ARMC8: variants seen among roughly 807,000 people sequenced by gnomAD.
The protein encoded by ARMC8 is armadillo repeat-containing protein 8.
In ARMC8, 20 loss-of-function variants were observed where a neutral mutation model predicts 99.3. The ratio of observed to expected loss-of-function variants is 0.20; its 90% CI spans 0.14 to 0.29. ARMC8 has a LOEUF of 0.29. ARMC8 is among the 10% of genes least tolerant of loss of function. The pLI, the probability that ARMC8 is intolerant of heterozygous loss-of-function variation, is 1.00. For synonymous variants in ARMC8, 263 were observed against 278.3 expected, an observed-to-expected ratio of 0.95 and a Z score of 0.55; for missense variants, 569 against 809.5, an observed-to-expected ratio of 0.70 and a Z score of 3.60.
In ARMC8 at chr3:138,296,171, A is replaced by G. The variant is rs1462336679; in HGVS notation, c.*279A>G. On this transcript the variant is annotated 3_prime_UTR_variant, in exon 22 of 22. Coordinates refer to ENST00000469044, the MANE Select transcript of ARMC8 (RefSeq NM_001363941.2). ...ATCAATCATTTTCCTTTGGACCTACAATTTTTGCCTATGCTGCAGCCACTT... is the reference window on the plus strand; with the variant it reads ...ATCAATCATTTTCCTTTGGACCTACGATTTTTGCCTATGCTGCAGCCACTT... The G allele has an allele frequency of 2.8e-6, 1 of 351,040 alleles. No homozygotes were observed. Among genetic ancestry groups the G allele is most frequent in the Non-Finnish European group, 5.2e-6 (1 of 192,322 alleles). The allele number at this position is 351,040 out of a possible 1,614,324, so 21.7% of individuals were successfully genotyped here.
At position 138,258,680 on chromosome 3, in the gene ARMC8, A is replaced by G. The variant is rs77236985; in HGVS notation, c.1135-5059A>G. Among the ~76,000 whole-genome samples the G allele has an allele frequency of 4.0e-3, 607 of 152,348 alleles. 8 individuals carry two copies. The highest frequency in any genetic ancestry group is 0.014 in the African/African-American group (578 of 41,580). ...CTTATCCACTCCTGCAAGAGCAGCA[A>G]TGCAAGAGACAGTTTCGCAAAAGCA... On this transcript the variant is annotated intron_variant, in intron 12 of 21. Transcript: ENST00000469044.
intron 11 of ARMC8, among the ~76,000 whole-genome samples, chr3:138,244,274 TTTTA>T (rs1050411664): frequency 9.9e-5 from 15 of 152,072 alleles, no homozygotes; most frequent in African/African-American, 3.4e-4. Flanking sequence ...TTTTATTTAT[TTTTA>T]TTTATTTATT....
chr3:138,205,074 T>C (rs1259740108), intron 1 of ARMC8, among the ~76,000 whole-genome samples: 6 of 138,092 alleles, frequency 4.3e-5, no homozygotes, highest in Non-Finnish European at 7.8e-5. Context: ...TTTTTTTTTT[T>C]TTTTTTTTTT....
In ARMC8 at chr3:138,294,902, C is replaced by CTT. The variant is rs761552356; in HGVS notation, c.1989-945_1989-944dup. Among the ~76,000 whole-genome samples, 454 of 142,038 alleles carry CTT rather than the reference C, an allele frequency of 3.2e-3. 1 individual carries two copies. Among genetic ancestry groups the CTT allele is most frequent in the African/African-American group, 0.011 (431 of 38,830 alleles). 93.2% of individuals were successfully genotyped at this position (142,038 alleles called of 152,430 possible). A position where few individuals can be genotyped will look rare whatever the true frequency, so the allele number is the denominator to read the frequency against. On this transcript the variant is annotated intron_variant, in intron 21 of 21. Transcript: ENST00000469044. Reference sequence around the variant, plus strand: ...TGGGTTTTTTTGTTTGTTTTTTGTTCTTTTTTTTTTTTTGAGATGGAGTTT... The same window carrying CTT: ...TGGGTTTTTTTGTTTGTTTTTTGTTCTTTTTTTTTTTTTTTGAGATGGAGTTT...
intron 16 of ARMC8, 33 bp downstream of exon 16, chr3:138,270,165 C>T: frequency 7.1e-7 from 1 of 1,415,690 alleles, no homozygotes; most frequent in Non-Finnish European, 1.0e-6. Context: ...TCATAACTTA[C>T]AAAAGGAATA....
intron 6 of ARMC8, among the ~76,000 whole-genome samples, chr3:138,231,912 A>C (rs546207466): frequency 6.8e-6 from 1 of 148,086 alleles, no homozygotes; most frequent in South Asian, 2.2e-4. Flanking sequence ...CTCAAATGAC[A>C]GATCCTCCTC....
chr3:138,246,680 CT>C, intron 12 of ARMC8: 1 of 984,624 alleles, frequency 1.0e-6, no homozygotes, highest in African/African-American at 1.8e-5. Context: ...TCCATTTGTA[CT>C]TCTTTGTACT....
intron 1 of ARMC8, among the ~76,000 whole-genome samples, chr3:138,194,043 C>A (rs780420463): frequency 6.9e-6 from 1 of 145,978 alleles, no homozygotes; most frequent in Non-Finnish European, 1.5e-5. Flanking sequence ...AGTGGCATTA[C>A]GTCTTTTTTT....
At chr3:138,264,025 TAG>T in intron 13 of ARMC8, 104 bp from the exon 14 acceptor site, 1 of 1,075,476 alleles carries the variant, frequency 9.3e-7, no homozygotes, top group Non-Finnish European at 1.4e-6. Context: ...CTTAACAATG[TAG>T]ATATGCTTGA....
At chr3:138,192,981 A>G (rs1273921986) in intron 1 of ARMC8, among the ~76,000 whole-genome samples, 1 of 151,484 alleles carries the variant, frequency 6.6e-6, no homozygotes, top group Non-Finnish European at 1.5e-5. Context: ...ATTTTATTTT[A>G]TTTTTGATAT....
At chr3:138,270,153 T>C in intron 16 of ARMC8, 21 bp downstream of exon 16, 1 of 1,489,648 alleles carries the variant, frequency 6.7e-7, no homozygotes, top group African/African-American at 1.4e-5. Flanking sequence ...CTTTTATATA[T>C]ATCATAACTT....
intron 1 of ARMC8, among the ~76,000 whole-genome samples, chr3:138,208,785 A>G (rs1375594822): frequency 6.6e-6 from 1 of 152,220 alleles, no homozygotes; most frequent in Middle Eastern, 3.2e-3. Context: ...TGAAGCATCA[A>G]AAATTAAATA....
At chr3:138,269,146 G>A (rs1011875490) in intron 15 of ARMC8, among the ~76,000 whole-genome samples, 1 of 152,098 alleles carries the variant, frequency 6.6e-6, no homozygotes, top group Non-Finnish European at 1.5e-5. Context: ...ATATCTGAGC[G>A]TTCCTTGTAT....
At chr3:138,264,664 C>T (rs1485549465) in intron 14 of ARMC8, among the ~76,000 whole-genome samples, 6 of 151,724 alleles carry the variant, frequency 4.0e-5, no homozygotes, top group Admixed American at 1.3e-4. Context: ...GTGATCTGCC[C>T]GCCTCGGCCC....
At chr3:138,262,310 T>G in intron 12 of ARMC8, 1 of 513,606 alleles carries the variant, frequency 1.9e-6, no homozygotes, top group Non-Finnish European at 3.5e-6. Context: ...TTAGGTTTGG[T>G]CTAGGGCGAG....
chr3:138,215,607 A>G (rs1490640466), intron 2 of ARMC8, among the ~76,000 whole-genome samples: 1 of 152,182 alleles, frequency 6.6e-6, no homozygotes, highest in Non-Finnish European at 1.5e-5. Context: ...CCTTGGAATG[A>G]TTAAATATAT....
chr3:138,288,385 A>G (rs538479051), intron 19 of ARMC8, among the ~76,000 whole-genome samples: 28 of 152,256 alleles, frequency 1.8e-4, no homozygotes, highest in Non-Finnish European at 3.7e-4. Context: ...TAGAATTGTC[A>G]TATGACAGTG....
intron 18 of ARMC8, 68 bp from the exon 19 acceptor site, chr3:138,284,363 G>C (rs1299504725): frequency 1.8e-5 from 22 of 1,254,198 alleles, no homozygotes; most frequent in Non-Finnish European, 3.5e-6. Context: ...AATTGCCCAA[G>C]CTCTTGAGAC....
At position 138,270,688 on chromosome 3, in the gene ARMC8, A is replaced by AT. The variant is rs149137521; in HGVS notation, c.1479+562dup. On this transcript the variant is annotated intron_variant, in intron 16 of 21. Transcript: ENST00000469044. ...TGTGTATTACCTCACATATTTAACC[A>AT]TTTTTTGCAGAATGATTAACTTGTC... Among the ~76,000 whole-genome samples the AT allele has an allele frequency of 5.2e-3, 796 of 152,264 alleles. 8 individuals carry two copies. The highest frequency in any genetic ancestry group is 0.018 in the African/African-American group (765 of 41,556).
Sources: gnomAD v4.1 joint callset for allele counts (sites outside exome capture counted in the v4.1 genomes callset) on GRCh38, gnomAD v4.1.1 for gene constraint, MANE v1.5 for transcripts, NCBI Gene and HGNC (gene_info 2026-07-23, HGNC 2026-07-21) for gene names.